Variants in XDH observed in about 807,000 individuals in gnomAD.
The protein encoded by XDH is xanthine dehydrogenase, also known as xanthine dehydrogenase/oxidase.
XDH carries 138 observed loss-of-function variants against 156.1 expected under a neutral mutation model. The observed-to-expected ratio is 0.88, with a 90% CI of 0.77 to 1.02. The LOEUF (loss-of-function observed/expected upper bound fraction) is 1.02, where lower values mean the gene tolerates loss of function less well. Among genes scored for constraint, XDH ranks in the 50% least tolerant of loss-of-function variants. The probability of loss-of-function intolerance (pLI) is 0.00; values close to 1 mark genes in which losing one functional copy is unlikely to be tolerated. For missense variants in XDH, 1,849 were observed against 1,684.9 expected (o/e 1.10, Z -1.71); for synonymous variants, 669 against 625.7 (o/e 1.07, Z -1.03).
rs757307942 is a variant in XDH, at chr2:31,364,200, G to A, written c.2589C>T (p.Asp863=). The A allele has an allele frequency of 6.2e-7, 1 of 1,614,082 alleles. No individual in the cohort carries two copies. Residue 863 remains aspartate (D), a synonymous_variant, in exon 24 of 36, where the codon GAC becomes GAT. Coordinates refer to ENST00000379416, the MANE Select transcript of XDH (RefSeq NM_000379.4). ...GGGTGTTCCCCACATTGCTGAAGTG[G>A]TCCACCTCAAGAGCCACAACTGTCC... ...KTGTVVALEV[D]HFSNVGNTQD... is the part of the protein sequence containing the mutation.
chr2:31,376,621 T>C (rs1686251863), intron 14 of XDH, among the ~76,000 whole-genome samples: 1 of 149,750 alleles, frequency 6.7e-6, no homozygotes, highest in Admixed American at 6.7e-5. Context: ...GCAATAATAC[T>C]AATCATAATA....
chr2:31,409,431 C>A (rs1687283361), intron 1 of XDH, among the ~76,000 whole-genome samples: 1 of 152,026 alleles, frequency 6.6e-6, no homozygotes, highest in African/African-American at 2.4e-5. Context: ...TATGTACCCC[C>A]AAAAATTAAA....
chr2:31,353,733 T>C (rs1320088368), intron 24 of XDH, among the ~76,000 whole-genome samples: 2 of 152,098 alleles, frequency 1.3e-5, no homozygotes, highest in East Asian at 3.9e-4. Context: ...TTTTAGACAA[T>C]AAGTACCCCA....
intron 1 of XDH, 129 bp downstream of exon 1, chr2:31,414,496 C>T (rs1425983098): frequency 1.2e-5 from 16 of 1,361,820 alleles, no homozygotes; most frequent in South Asian, 4.7e-5. Flanking sequence ...ACCTTTAAAG[C>T]GAGAGAGAGA....
chr2:31,390,885 T>C (rs1353421401), intron 6 of XDH, among the ~76,000 whole-genome samples: 1 of 152,240 alleles, frequency 6.6e-6, no homozygotes. Flanking sequence ...TATAAGTTCT[T>C]TGTATATTTG....
At chr2:31,340,017 G>A (rs1685082621) in intron 33 of XDH, among the ~76,000 whole-genome samples, 1 of 152,212 alleles carries the variant, frequency 6.6e-6, no homozygotes, top group Non-Finnish European at 1.5e-5. Context: ...GCTCACAGGA[G>A]GATTTATTCG....
chr2:31,388,741 G>A (rs1686681600), intron 6 of XDH, among the ~76,000 whole-genome samples: 1 of 152,152 alleles, frequency 6.6e-6, no homozygotes, highest in Non-Finnish European at 1.5e-5. Context: ...CTCTCTGCAG[G>A]ACCCTGCCAA....
intron 10 of XDH, among the ~76,000 whole-genome samples, 174 bp from the exon 11 acceptor site, chr2:31,383,326 C>G (rs1481660489): frequency 6.6e-6 from 1 of 152,134 alleles, no homozygotes. Context: ...ACCAATGCCA[C>G]ACAGCTAATA....
intron 2 of XDH, among the ~76,000 whole-genome samples, chr2:31,405,052 T>C (rs1006851309): frequency 4.6e-5 from 7 of 152,006 alleles, no homozygotes; most frequent in Non-Finnish European, 8.8e-5. Flanking sequence ...GGGTGAGAGG[T>C]TGGGAACACA....
chr2:31,405,718 T>C (rs928968868), intron 2 of XDH, among the ~76,000 whole-genome samples, 189 bp downstream of exon 2: 4 of 152,108 alleles, frequency 2.6e-5, no homozygotes, highest in Admixed American at 6.5e-5. Context: ...CAAACAATCC[T>C]CTCATTCAGT....
chr2:31,348,265 C>T lies in XDH; in HGVS notation c.3147+3G>A, dbSNP rs771022933. 1.2e-6 allele frequency: 2 copies of T among 1,614,022 alleles called. No homozygotes were observed. Among genetic ancestry groups the T allele is most frequent in the Admixed American group, 1.7e-5 (1 of 60,032 alleles). On this transcript the variant is annotated splice_donor_region_variant and intron_variant, in intron 28 of 35. Transcript: ENST00000379416. ...CACAACACTGCCAGAGAGGGCTGCT[C>T]ACCTGGACCATTTTGGTATGAAGGC... is the stretch of plus-strand genomic sequence containing the variant.
At chr2:31,365,871 G>T in intron 22 of XDH, 105 bp downstream of exon 22, 1 of 1,566,236 alleles carries the variant, frequency 6.4e-7, no homozygotes, top group African/African-American at 1.4e-5. Context: ...TTCAAAGCAG[G>T]GGGAAACTAA....
chr2:31,375,440 G>T lies in XDH; in HGVS notation c.1542C>A (p.Ser514Arg). The T allele has an allele frequency of 6.2e-7, 1 of 1,614,198 alleles. No individual in the cohort carries two copies. The highest frequency in any genetic ancestry group is 8.5e-7 in the Non-Finnish European group (1 of 1,180,030). ...MVDFRCTLTL[S>R]FFFKFYLTVL... ...CTGTCAGGTAGAACTTGAAGAAGAA[G>T]CTGAGGGTGAGGGTGCACCGGAAGT... Residue 514 changes from serine (S) to arginine (R), a missense_variant, in exon 15 of 36, where the codon AGC (serine) becomes AGA (arginine). Coordinates refer to ENST00000379416, the MANE Select transcript of XDH (RefSeq NM_000379.4).
intron 6 of XDH, among the ~76,000 whole-genome samples, chr2:31,391,147 A>G (rs1196829318): frequency 6.6e-6 from 1 of 152,142 alleles, no homozygotes; most frequent in East Asian, 1.9e-4. Flanking sequence ...AATTTTGAGA[A>G]GTGTATAAGG....
At chr2:31,407,201 T>C (rs574429109) in intron 1 of XDH, among the ~76,000 whole-genome samples, 123 of 152,314 alleles carry the variant, frequency 8.1e-4, no homozygotes, top group African/African-American at 2.9e-3. Flanking sequence ...CATAAAAATC[T>C]AACATGCCAC....
At chr2:31,359,728 G>A (rs922467767) in intron 24 of XDH, among the ~76,000 whole-genome samples, 13 of 152,172 alleles carry the variant, frequency 8.5e-5, no homozygotes, top group Non-Finnish European at 1.3e-4. Context: ...GGGGAAGACT[G>A]GCAGTGTGCC....
At chr2:31,381,752 G>A (rs1346890915) in intron 11 of XDH, 26 bp from the exon 12 acceptor site, 5 of 1,598,696 alleles carry the variant, frequency 3.1e-6, no homozygotes, top group Non-Finnish European at 4.3e-6. Context: ...AGCATGCAGT[G>A]AGAGCCCACC....
At position 31,388,135 on chromosome 2, in the gene XDH, A is replaced by G; in HGVS notation, c.564+92T>C. On this transcript the variant is annotated intron_variant, in intron 7 of 35. Coordinates refer to ENST00000379416, the MANE Select transcript of XDH (RefSeq NM_000379.4). ...CCGACTCACCGTAGGTTCCTCTTCC[A>G]GCCCCCACCGCCAGGGACATGGAGC... is the stretch of plus-strand genomic sequence containing the variant. 12 of 1,452,938 alleles carry G rather than the reference A, an allele frequency of 8.3e-6. No individual in the cohort carries two copies. The South Asian group carries it at 1.3e-4, about 15-fold the overall frequency. The allele number at this position is 1,452,938 out of a possible 1,614,324, so 90.0% of individuals were successfully genotyped here. A position where few individuals can be genotyped will look rare whatever the true frequency, so the allele number is the denominator to read the frequency against.
intron 18 of XDH, among the ~76,000 whole-genome samples, 153 bp from the exon 19 acceptor site, chr2:31,368,813 C>T (rs1378252012): frequency 1.3e-5 from 2 of 152,220 alleles, no homozygotes; most frequent in Admixed American, 1.3e-4. Flanking sequence ...CCTTATCCTA[C>T]TGATTGAGGA....
Sources: allele counts gnomAD v4.1 joint callset (sites outside exome capture counted in the v4.1 genomes callset), GRCh38; gene constraint gnomAD v4.1.1; transcripts MANE v1.5; gene names NCBI Gene and HGNC (gene_info 2026-07-23, HGNC 2026-07-21).